Variants in KANK3 observed in about 807,000 individuals in gnomAD.
KANK3 encodes the protein KN motif and ankyrin repeat domains 3, also known as KN motif and ankyrin repeat domain-containing protein 3.
KANK3 carries 61 observed loss-of-function variants against 65.4 expected under a neutral mutation model. The observed-to-expected ratio is 0.93, with a 90% CI of 0.76 to 1.15. The LOEUF (loss-of-function observed/expected upper bound fraction) is 1.15, where lower values mean the gene tolerates loss of function less well. KANK3 is among the 50% of genes most tolerant of loss of function. The pLI, the probability that KANK3 is intolerant of heterozygous loss-of-function variation, is 0.00. For missense variants in KANK3, 1,187 were observed against 1,178.8 expected (o/e 1.01, Z -0.10); for synonymous variants, 586 against 543.3 (o/e 1.08, Z -1.09).
chr19:8,336,110 A>G (rs543006087), intron 2 of KANK3, among the ~76,000 whole-genome samples: 21 of 152,316 alleles, frequency 1.4e-4, no homozygotes, highest in Admixed American at 7.2e-4. Context: ...TTTGGTTGCC[A>G]GGGAAGCTTT....
At position 8,333,992 on chromosome 19, in the gene KANK3, T is replaced by A. The variant is rs1421260764; in HGVS notation, c.1552A>T (p.Thr518Ser). The change falls in exon 5 of 11, where the codon ACC (threonine) becomes TCC (serine). Residue 518 changes from threonine to serine, a missense_variant. Transcript: ENST00000330915. The surrounding 1 kb of genome is among the most constrained non-coding windows in gnomAD (Gnocchi z 5.0). ...TCCCCGCCGCTGGGAGGGCCAGGGGTGCCCGAGTCGGATCCCCCGCCGCTG... is the reference window on the plus strand; with the variant it reads ...TCCCCGCCGCTGGGAGGGCCAGGGGAGCCCGAGTCGGATCCCCCGCCGCTG... Reference protein sequence around the residue: ...DDSGGGSDSGTPGPPSGGDIR... With the variant: ...DDSGGGSDSGSPGPPSGGDIR... 6.4e-7 allele frequency: 1 copy of A among 1,560,526 alleles called. No individual in the cohort carries two copies. The highest frequency in any genetic ancestry group is 1.4e-5 in the African/African-American group (1 of 73,670).
chr19:8,327,716 C>G (rs964610683), intron 7 of KANK3, among the ~76,000 whole-genome samples: 2 of 152,060 alleles, frequency 1.3e-5, no homozygotes, highest in Non-Finnish European at 2.9e-5. Context: ...ATCGCTTGAG[C>G]CTGGGAGGTT....
At position 8,335,520 on chromosome 19, in the gene KANK3, G is replaced by A; in HGVS notation, c.307C>T (p.Pro103Ser). 1 of 1,227,920 alleles carries A rather than the reference G, an allele frequency of 8.1e-7. No homozygotes were observed. The highest frequency in any genetic ancestry group is 1.6e-5 in the African/African-American group (1 of 63,740). The allele number at this position is 1,227,920 out of a possible 1,614,324, so 76.1% of individuals were successfully genotyped here. A position where few individuals can be genotyped will look rare whatever the true frequency, so the allele number is the denominator to read the frequency against. Residue 103 changes from proline to serine, a missense_variant, in exon 3 of 11, where the codon CCG (proline) becomes TCG (serine). Coordinates refer to ENST00000330915, the MANE Select transcript of KANK3 (RefSeq NM_198471.3). ...GGCGCGCCCTGGGAGAGTATGCCCG[G>A]TGCTCCACCGTCGTCACTGGCCAGG... ...ESLASDDGGA[P>S]GILSQGAPSG...
At chr19:8,341,775 G>T (rs1325798177) in intron 1 of KANK3, among the ~76,000 whole-genome samples, 1 of 152,154 alleles carries the variant, frequency 6.6e-6, no homozygotes, top group Non-Finnish European at 1.5e-5. Flanking sequence ...ACAAGCATGA[G>T]CTACTGCACC....
chr19:8,337,649 A>T, intron 2 of KANK3, 146 bp downstream of exon 2: 1 of 960,006 alleles, frequency 1.0e-6, no homozygotes, highest in Non-Finnish European at 1.6e-6. Flanking sequence ...CCCGGCCATG[A>T]TTGATGCCAT....
In KANK3 at chr19:8,335,426, A is replaced by G. The variant is rs1187473414; in HGVS notation, c.401T>C (p.Leu134Pro). 3 of 1,213,434 alleles carry G rather than the reference A, an allele frequency of 2.5e-6. No homozygotes were observed. The highest frequency in any genetic ancestry group is 3.4e-5 in the East Asian group (1 of 29,336). 75.2% of individuals were successfully genotyped at this position (1,213,434 alleles called of 1,614,324 possible). A position where few individuals can be genotyped will look rare whatever the true frequency, so the allele number is the denominator to read the frequency against. ...CTCCAGCCGCCGGCTGGTCTCCCGG[A>G]GCGTGTGCTCGACGCGCGGGTTGCG... ...PVRNPRVEHT[L>P]RETSRRLELA... The change falls in exon 3 of 11, where the codon CTC (leucine) becomes CCC (proline). Residue 134 changes from leucine (L) to proline (P), a missense_variant. Leu to Pro is a moderately conservative substitution (Grantham distance 98). This residue lies in a region of KANK3 where 1,078 missense variants were observed against 1,038.2 expected (regional missense o/e 1.04). Transcript: ENST00000330915.
intron 7 of KANK3, among the ~76,000 whole-genome samples, chr19:8,332,484 G>A (rs1970543235): frequency 6.6e-6 from 1 of 151,616 alleles, no homozygotes; most frequent in Non-Finnish European, 1.5e-5. Context: ...GGCTCAGAGG[G>A]CAGAAGGCCT....
At chr19:8,328,680 G>T (rs1970471286) in intron 7 of KANK3, among the ~76,000 whole-genome samples, 1 of 152,094 alleles carries the variant, frequency 6.6e-6, no homozygotes, top group Non-Finnish European at 1.5e-5. Context: ...GGGAATGGGA[G>T]CCTGTGAGCC....
intron 2 of KANK3, among the ~76,000 whole-genome samples, chr19:8,336,307 C>G (rs1240751616): frequency 3.3e-5 from 5 of 151,888 alleles, no homozygotes; most frequent in African/African-American, 1.2e-4. Flanking sequence ...GGTAGTGGCG[C>G]GCGCCTGTAA....
chr19:8,329,492 C>CAAAAAAAAAAAAAAAA lies in KANK3; in HGVS notation c.1936+3506_1936+3521dup, dbSNP rs59607185. On this transcript the variant is annotated intron_variant, in intron 7 of 10. Transcript: ENST00000330915. ...CAGGCAACAGAGCAAGACTCGGCCT[C>CAAAAAAAAAAAAAAAA]AAAAAAAAAAAAAAAAAAAAAAAAA... Among the ~76,000 whole-genome samples the CAAAAAAAAAAAAAAAA allele has an allele frequency of 2.2e-4, 11 of 51,124 alleles. 1 individual carries two copies. Among genetic ancestry groups the CAAAAAAAAAAAAAAAA allele is most frequent in the African/African-American group, 8.0e-4 (11 of 13,766 alleles). 33.5% of individuals were successfully genotyped at this position (51,124 alleles called of 152,430 possible). A position where few individuals can be genotyped will look rare whatever the true frequency, so the allele number is the denominator to read the frequency against.
intron 7 of KANK3, among the ~76,000 whole-genome samples, chr19:8,326,026 T>C (rs1033239494): frequency 6.6e-6 from 1 of 152,278 alleles, no homozygotes; most frequent in South Asian, 2.1e-4. Flanking sequence ...GGTTTCACCA[T>C]GTTGGTCAGG....
chr19:8,323,285 G>A (rs77195150), intron 10 of KANK3: 8,174 of 174,472 alleles, frequency 0.047, 236 homozygotes, highest in Non-Finnish European at 0.069. Flanking sequence ...GGGGAAACTC[G>A]TCTAACACGA....
rs1030422632 is a variant in KANK3, at chr19:8,333,211, G to A, written c.1739C>T (p.Ala580Val). The stretch of plus-strand genomic sequence containing the variant: ...GCTGGACACTCGAAACCACTCCTGG[G>A]CCACGAGGCGCACTGCGCCCTGCAA... The part of the protein sequence containing the change: ...ASDGGAVRLV[A>V]QEWFRVSSQR... Residue 580 changes from alanine to valine, a missense_variant, in exon 7 of 11, where the codon GCC becomes GTC. Ala to Val is a moderately conservative substitution (Grantham distance 64). Around this residue, in one of 3 missense-constraint regions of KANK3, gnomAD observed 1,078 missense variants for 1,038.2 expected, o/e 1.04. Transcript: ENST00000330915. The surrounding 1 kb of genome is among the most constrained non-coding windows in gnomAD (Gnocchi z 5.0). 6.2e-7 allele frequency: 1 copy of A among 1,611,400 alleles called. No homozygotes were observed. Among genetic ancestry groups the A allele is most frequent in the South Asian group, 1.1e-5 (1 of 90,964 alleles).
rs1970387629 is a variant in KANK3, at chr19:8,324,664, G to A, written c.2249C>T (p.Thr750Ile). ...GRLDTVRLLL[T>I]QPGCDPAILD... The stretch of plus-strand genomic sequence containing the variant: ...GATGGCAGGGTCACAGCCTGGCTGG[G>A]TGAGCAGCAGCCGCACGGTGTCCAG... The change falls in exon 9 of 11, where the codon ACC becomes ATC. Residue 750 changes from threonine (T) to isoleucine (I), a missense_variant. Around this residue, in one of 3 missense-constraint regions of KANK3, gnomAD observed 1,078 missense variants for 1,038.2 expected, o/e 1.04. Transcript: ENST00000330915. The A allele has an allele frequency of 6.2e-7, 1 of 1,614,040 alleles. No individual in the cohort carries two copies. Among genetic ancestry groups the A allele is most frequent in the Non-Finnish European group, 8.5e-7 (1 of 1,180,028 alleles).
Position 8,335,750 on chromosome 19 carries a change from C to T in KANK3, c.77G>A (p.Gly26Asp), listed in dbSNP as rs1970626815. 3 of 1,244,186 alleles carry T rather than the reference C, an allele frequency of 2.4e-6. No homozygotes were observed. The highest frequency in any genetic ancestry group is 3.0e-6 in the Non-Finnish European group (3 of 990,074). The allele number at this position is 1,244,186 out of a possible 1,614,324, so 77.1% of individuals were successfully genotyped here. The change falls in exon 3 of 11, where the codon GGC (glycine) becomes GAC (aspartate). Residue 26 changes from glycine (G) to aspartate (D), a missense_variant. Coordinates refer to ENST00000330915, the MANE Select transcript of KANK3 (RefSeq NM_198471.3). The stretch of plus-strand genomic sequence containing the variant: ...GTAGGGCGAGCTCGGGCTGCGTGCG[C>T]CCCCGGCGGCGGGGACCGGGCACAG... ...PRLCPVPAAG[G>D]ARSPSSPYSV...
chr19:8,331,136 T>C (rs942390533), intron 7 of KANK3, among the ~76,000 whole-genome samples: 8 of 147,126 alleles, frequency 5.4e-5, no homozygotes, highest in African/African-American at 7.6e-5. Context: ...TAGGTTGCAG[T>C]GAGCAGAGAG....
At chr19:8,332,980 C>G in intron 7 of KANK3, 34 bp downstream of exon 7, 3 of 484,400 alleles carry the variant, frequency 6.2e-6, no homozygotes, top group Non-Finnish European at 1.2e-5. Context: ...CCACCCATTT[C>G]CTGGTGTCCC....
Position 8,324,759 on chromosome 19 carries a change from A to T in KANK3, c.2154T>A (p.Cys718Ter). ...RQDMVATLLACGADVNAQDAD... is the reference protein window; with the variant it reads ...RQDMVATLLA ...CATCCTGCGCATTCACATCAGCCCC[A>T]CACGCCAGTAGGGTTGCCACCATGT... is the stretch of plus-strand genomic sequence containing the variant. Residue 718 changes from cysteine (C) to a stop codon, truncating the protein, a stop_gained, in exon 9 of 11, where the codon TGT becomes TGA. Transcript: ENST00000330915. LOFTEE classifies it high-confidence loss of function. The T allele has an allele frequency of 6.2e-7, 1 of 1,614,004 alleles. No individual in the cohort carries two copies. The highest frequency in any genetic ancestry group is 8.5e-7 in the Non-Finnish European group (1 of 1,180,024).
rs758712807 is a variant in KANK3, at chr19:8,330,158, C to T, written c.1936+2856G>A. Among the ~76,000 whole-genome samples, 16 of 152,114 alleles carry T rather than the reference C, an allele frequency of 1.1e-4. No individual in the cohort carries two copies. In the South Asian group the frequency reaches 2.3e-3, roughly 22 times the overall value. ...AGAAGAAGAGCAAAGTGCACACCCA[C>T]GTACCTCCAGACTCTGGATTCCAGG... is the stretch of plus-strand genomic sequence containing the variant. On this transcript the variant is annotated intron_variant, in intron 7 of 10. Transcript: ENST00000330915.
Sources: allele counts gnomAD v4.1 joint callset (sites outside exome capture counted in the v4.1 genomes callset), GRCh38; gene constraint gnomAD v4.1.1; regional missense constraint gnomAD v4.1.1; non-coding constraint Gnocchi (gnomAD v3.1); transcripts MANE v1.5; gene names NCBI Gene and HGNC (gene_info 2026-07-23, HGNC 2026-07-21).